Variants in SETBP1 observed in about 807,000 individuals in gnomAD.
The protein encoded by SETBP1 is SET-binding protein.
Under a neutral mutation model 101.0 loss-of-function variants are expected in SETBP1, and 9 were observed. That is an observed-to-expected ratio of 0.09 (90% CI 0.05 to 0.16). The LOEUF is 0.16. SETBP1 is among the 10% of genes least tolerant of loss of function. SETBP1 has a pLI of 1.00. For missense variants in SETBP1, 1,858 were observed against 2,033.8 expected (o/e 0.91, Z 1.66); for synonymous variants, 818 against 788.5 (o/e 1.04, Z -0.63).
intron 3 of SETBP1, among the ~76,000 whole-genome samples, chr18:44,937,327 C>T (rs61254007): frequency 2.0e-5 from 3 of 150,442 alleles, no homozygotes; most frequent in Admixed American, 6.6e-5. Flanking sequence ...TAGTGGCGGG[C>T]GCCTGTAGTC....
At chr18:44,797,497 C>T (rs1205663821) in intron 2 of SETBP1, among the ~76,000 whole-genome samples, 3 of 152,170 alleles carry the variant, frequency 2.0e-5, no homozygotes, top group Non-Finnish European at 2.9e-5. Flanking sequence ...TGATGAAAAG[C>T]ACCAAGCCAC....
At chr18:44,747,324 C>T (rs1424146096) in intron 2 of SETBP1, among the ~76,000 whole-genome samples, 2 of 152,190 alleles carry the variant, frequency 1.3e-5, no homozygotes, top group Non-Finnish European at 2.9e-5. Flanking sequence ...CTTCTGGGAC[C>T]TGCTCCAGGA....
At chr18:44,723,034 T>G (rs199616515) in intron 2 of SETBP1, among the ~76,000 whole-genome samples, 2 of 152,194 alleles carry the variant, frequency 1.3e-5, no homozygotes, top group Admixed American at 1.3e-4. Flanking sequence ...TTGAAAATTT[T>G]TGGGTGTGAA....
chr18:44,697,266 T>G (rs968226396), intron 1 of SETBP1: 14 of 152,354 alleles, frequency 9.2e-5, no homozygotes, highest in African/African-American at 2.9e-4. Context: ...AGCTGTGAAT[T>G]TGGGGAGGCA....
chr18:44,988,635 G>C (rs2072290870), intron 4 of SETBP1: 1 of 152,130 alleles, frequency 6.6e-6, no homozygotes, highest in Admixed American at 6.6e-5. Context: ...TGTTCAGACT[G>C]TTTGGTTTAT....
At chr18:45,026,893 T>C (rs1251509597) in intron 4 of SETBP1, among the ~76,000 whole-genome samples, 1 of 152,212 alleles carries the variant, frequency 6.6e-6, no homozygotes, top group African/African-American at 2.4e-5. Flanking sequence ...AAAATATCTA[T>C]GAACTTTAAG....
intron 3 of SETBP1, among the ~76,000 whole-genome samples, chr18:44,898,237 T>C (rs925494325): frequency 3.9e-5 from 6 of 152,196 alleles, no homozygotes; most frequent in African/African-American, 1.4e-4. Context: ...CTCATGACCT[T>C]TAAATTGAGT....
At chr18:44,921,641 G>T (rs1390867333) in intron 3 of SETBP1, among the ~76,000 whole-genome samples, 3 of 152,146 alleles carry the variant, frequency 2.0e-5, no homozygotes, top group Non-Finnish European at 4.4e-5. Flanking sequence ...GTCATTGCTT[G>T]GATCTGCGCT....
At chr18:44,715,275 C>T (rs974333231) in intron 2 of SETBP1, among the ~76,000 whole-genome samples, 25 of 152,184 alleles carry the variant, frequency 1.6e-4, no homozygotes, top group Admixed American at 1.4e-3. Context: ...TGCCCATAGC[C>T]GTATCCCTGC....
intron 3 of SETBP1, among the ~76,000 whole-genome samples, chr18:44,916,839 A>G (rs2070439652): frequency 6.6e-6 from 1 of 152,206 alleles, no homozygotes; most frequent in South Asian, 2.1e-4. Flanking sequence ...TTCCTCTCTT[A>G]TGAACTTTAC....
chr18:44,951,277 T>C lies in SETBP1; in HGVS notation c.1937T>C (p.Met646Thr), dbSNP rs1185403336. 4 of 1,613,562 alleles carry C rather than the reference T, an allele frequency of 2.5e-6. No individual in the cohort carries two copies. Among genetic ancestry groups the C allele is most frequent in the Admixed American group, 3.3e-5 (2 of 59,990 alleles). Residue 646 changes from methionine (M) to threonine (T), a missense_variant, in exon 4 of 6, where the codon ATG (methionine) becomes ACG (threonine). By Grantham distance (81) the Met-to-Thr change is moderately conservative. Transcript: ENST00000649279. The surrounding 1 kb of genome is among the most constrained non-coding windows in gnomAD (Gnocchi z 7.8). ...VPGEDKPMSE[M>T]KFHKKVGKLG... ...GGAGAGGACAAACCCATGAGCGAGA[T>C]GAAATTTCACAAGAAAGTTGGAAAG...
At chr18:44,946,829 C>T (rs2071218362) in intron 3 of SETBP1, among the ~76,000 whole-genome samples, 1 of 152,108 alleles carries the variant, frequency 6.6e-6, no homozygotes, top group African/African-American at 2.4e-5. Flanking sequence ...TAAATGCCAC[C>T]TAGCAGTATA....
intron 3 of SETBP1, among the ~76,000 whole-genome samples, chr18:44,949,436 T>C (rs2071283956): frequency 6.6e-6 from 1 of 152,220 alleles, no homozygotes; most frequent in African/African-American, 2.4e-5. Context: ...GAAAGAACAC[T>C]GGGAGTCGGG....
rs921693446 is a variant in SETBP1, at chr18:44,910,702, G to A, written c.541-39179G>A. Reference sequence around the variant, plus strand: ...CTGTCATACTAAAAACCTAGAGGGGGTTTTATCTATTTTACTTTGTTTTGT... The same window carrying A: ...CTGTCATACTAAAAACCTAGAGGGGATTTTATCTATTTTACTTTGTTTTGT... On this transcript the variant is annotated intron_variant, in intron 3 of 5. Coordinates refer to ENST00000649279, the MANE Select transcript of SETBP1 (RefSeq NM_015559.3). 2.0e-5 allele frequency among the ~76,000 whole-genome samples: 3 copies of A among 152,256 alleles called. No individual in the cohort carries two copies. In the South Asian group the frequency reaches 6.2e-4, roughly 32 times the overall value.
chr18:44,891,491 A>G (rs2069768408), intron 3 of SETBP1, among the ~76,000 whole-genome samples: 1 of 152,154 alleles, frequency 6.6e-6, no homozygotes, highest in African/African-American at 2.4e-5. Flanking sequence ...GGGCCTCATT[A>G]TAAGCCAACC....
intron 4 of SETBP1, chr18:44,989,084 T>C (rs987279771): frequency 6.6e-6 from 1 of 152,014 alleles, no homozygotes; most frequent in African/African-American, 2.4e-5. Context: ...GCAAAATACA[T>C]GAGGAAACAA....
intron 2 of SETBP1, among the ~76,000 whole-genome samples, chr18:44,853,684 A>G (rs892510026): frequency 2.6e-5 from 4 of 152,270 alleles, no homozygotes; most frequent in African/African-American, 9.6e-5. Context: ...AATATGTGAA[A>G]TGATAAGTAA....
At chr18:44,985,708 A>G (rs2072216484) in intron 4 of SETBP1, among the ~76,000 whole-genome samples, 1 of 152,208 alleles carries the variant, frequency 6.6e-6, no homozygotes, top group Non-Finnish European at 1.5e-5. Context: ...ACCATTTAGT[A>G]TCTGCAGGAT....
At chr18:44,779,187 C>T (rs2071072365) in intron 2 of SETBP1, among the ~76,000 whole-genome samples, 3 of 152,276 alleles carry the variant, frequency 2.0e-5, no homozygotes, top group African/African-American at 7.2e-5. Flanking sequence ...AGATATCCAC[C>T]GGGAGAAAAT....
Sources: allele counts gnomAD v4.1 joint callset (sites outside exome capture counted in the v4.1 genomes callset), GRCh38; gene constraint gnomAD v4.1.1; non-coding constraint Gnocchi (gnomAD v3.1); transcripts MANE v1.5; gene names NCBI Gene and HGNC (gene_info 2026-07-23, HGNC 2026-07-21).